Variants in SH3PXD2A observed in about 807,000 individuals in gnomAD.
SH3PXD2A encodes SH3 and PX domain-containing protein 2A.
Under a neutral mutation model 115.2 loss-of-function variants are expected in SH3PXD2A, and 32 were observed. That is an observed-to-expected ratio of 0.28 (90% CI 0.21 to 0.37). SH3PXD2A has a LOEUF of 0.37. Ranked by LOEUF, SH3PXD2A falls within the 10% of genes least tolerant of loss-of-function variation. SH3PXD2A has a pLI of 1.00. For missense variants in SH3PXD2A, 1,328 were observed against 1,498.7 expected (o/e 0.89, Z 1.88); for synonymous variants, 610 against 629.1 (o/e 0.97, Z 0.45).
chr10:103,687,401 C>T (rs1411653339), intron 6 of SH3PXD2A, among the ~76,000 whole-genome samples: 2 of 152,156 alleles, frequency 1.3e-5, no homozygotes, highest in African/African-American at 2.4e-5. Flanking sequence ...TTCTCAGAGG[C>T]GAAGGGATTT....
chr10:103,754,030 A>T (rs534017198), intron 3 of SH3PXD2A: 1 of 152,314 alleles, frequency 6.6e-6, no homozygotes, highest in East Asian at 1.9e-4. Context: ...AGAGGCCAGG[A>T]GTAAAAACTG....
intron 2 of SH3PXD2A, 136 bp downstream of exon 2, chr10:103,801,146 C>T: frequency 1.6e-6 from 1 of 620,850 alleles, no homozygotes; most frequent in African/African-American, 1.8e-5. Context: ...TTCCAGCTTC[C>T]CTCCTCTGTC....
In SH3PXD2A at chr10:103,607,754, C is replaced by T. The variant is rs371090960; in HGVS notation, c.1309-1837G>A. Among the ~76,000 whole-genome samples, 56 of 151,278 alleles carry T rather than the reference C, an allele frequency of 3.7e-4. 1 individual carries two copies. The East Asian group carries it at 6.6e-3, about 18-fold the overall frequency. ...AGATTGAGAAATCGGATGGTTGCCG[C>T]GTCTGTGTAGAAAGAAGTAGACATG... On this transcript the variant is annotated intron_variant, in intron 13 of 14. Transcript: ENST00000369774.
chr10:103,718,330 T>C (rs1423393724), intron 5 of SH3PXD2A, among the ~76,000 whole-genome samples: 1 of 152,216 alleles, frequency 6.6e-6, no homozygotes, highest in African/African-American at 2.4e-5. Flanking sequence ...GGCATGTCTT[T>C]ATCTGCCTTC....
intron 1 of SH3PXD2A, among the ~76,000 whole-genome samples, chr10:103,804,176 T>C (rs919278928): frequency 6.6e-6 from 1 of 152,120 alleles, no homozygotes; most frequent in Non-Finnish European, 1.5e-5. Flanking sequence ...AGGAGTATAA[T>C]GAATCATGTC....
At chr10:103,628,516 G>T (rs2036731746) in intron 8 of SH3PXD2A, among the ~76,000 whole-genome samples, 1 of 151,788 alleles carries the variant, frequency 6.6e-6, no homozygotes, top group South Asian at 2.1e-4. Flanking sequence ...CTGGAGAGGG[G>T]TTACCTCTGA....
chr10:103,771,623 T>C (rs116170030), intron 2 of SH3PXD2A, among the ~76,000 whole-genome samples: 2,230 of 152,194 alleles, frequency 0.015, 57 homozygotes, highest in African/African-American at 0.051. Flanking sequence ...GGTGCACATC[T>C]GTAGTCCCAG....
chr10:103,721,677 C>T (rs1027670547), intron 5 of SH3PXD2A, among the ~76,000 whole-genome samples: 1 of 152,184 alleles, frequency 6.6e-6, no homozygotes, highest in Non-Finnish European at 1.5e-5. Flanking sequence ...CTCCTCTCTC[C>T]CCATGCAAGG....
chr10:103,766,254 C>T (rs539171798), intron 3 of SH3PXD2A, among the ~76,000 whole-genome samples: 8 of 152,300 alleles, frequency 5.3e-5, no homozygotes, highest in Non-Finnish European at 1.0e-4. Context: ...CTGACCTGTG[C>T]AGGTCCAGGG....
intron 3 of SH3PXD2A, among the ~76,000 whole-genome samples, chr10:103,765,272 C>T (rs117019116): frequency 6.6e-6 from 1 of 152,168 alleles, no homozygotes; most frequent in Admixed American, 6.5e-5. Flanking sequence ...GCCTACCCAT[C>T]CTGTGGGGGC....
At chr10:103,838,214 T>A (rs2039564450) in intron 1 of SH3PXD2A, among the ~76,000 whole-genome samples, 1 of 152,174 alleles carries the variant, frequency 6.6e-6, no homozygotes, top group Non-Finnish European at 1.5e-5. Flanking sequence ...TCTAAATATA[T>A]ACCTGTCAGG....
In SH3PXD2A at chr10:103,600,771, G is replaced by GGCTCCAAGCT. The variant is rs1470691102; in HGVS notation, c.*1044_*1045insAGCTTGGAGC. ...CTGGCAGGCGCCAAGCTCCAGCACA[G>GGCTCCAAGCT]TCCACACAGTGGAAACCAAATGAAA... is the stretch of plus-strand genomic sequence containing the variant. On this transcript the variant is annotated 3_prime_UTR_variant, in exon 15 of 15. Transcript: ENST00000369774. The GGCTCCAAGCT allele has an allele frequency of 6.6e-6, 1 of 152,218 alleles. No individual in the cohort carries two copies. The highest frequency in any genetic ancestry group is 2.4e-5 in the African/African-American group (1 of 41,454). The allele number at this position is 152,218 out of a possible 1,614,324, so 9.4% of individuals were successfully genotyped here.
chr10:103,713,915 C>G (rs185390717), intron 5 of SH3PXD2A, among the ~76,000 whole-genome samples: 1 of 152,152 alleles, frequency 6.6e-6, no homozygotes, highest in African/African-American at 2.4e-5. Flanking sequence ...ACCAGGGCCC[C>G]GAGAGTGGGG....
At position 103,750,581 on chromosome 10, in the gene SH3PXD2A, C is replaced by T. The variant is rs138890306; in HGVS notation, c.230-14773G>A. On this transcript the variant is annotated intron_variant, in intron 3 of 14. Coordinates refer to ENST00000369774, the MANE Select transcript of SH3PXD2A (RefSeq NM_001394015.1). ...CTGCCTTTTTCATGAGCCCCCTGAG[C>T]GATTCTCATGTACCTCTGAGGCTGA... is the stretch of plus-strand genomic sequence containing the variant. Among the ~76,000 whole-genome samples the T allele has an allele frequency of 5.1e-3, 776 of 152,230 alleles. 7 individuals are homozygous for T. The highest frequency in any genetic ancestry group is 0.014 in the African/African-American group (599 of 41,528).
chr10:103,603,275 G>A lies in SH3PXD2A; in HGVS notation c.1943C>T (p.Ser648Phe). 6.2e-7 allele frequency: 1 copy of A among 1,614,044 alleles called. No homozygotes were observed. The highest frequency in any genetic ancestry group is 8.5e-7 in the Non-Finnish European group (1 of 1,179,994). The change falls in exon 15 of 15, where the codon TCC becomes TTC. Residue 648 changes from serine (S) to phenylalanine (F), a missense_variant. By Grantham distance (155) the Ser-to-Phe change is radical. Coordinates refer to ENST00000369774, the MANE Select transcript of SH3PXD2A (RefSeq NM_001394015.1). ...GTTTTTCCTGGTCAGGGACAGCGAG[G>A]AGCTGCCTGGGGAGTCGCTGTCCCC... ...SSGDSDSPGS[S>F]SLSLTRKNSP...
chr10:103,768,831 A>G (rs1402744478), intron 2 of SH3PXD2A, among the ~76,000 whole-genome samples: 1 of 152,182 alleles, frequency 6.6e-6, no homozygotes, highest in Non-Finnish European at 1.5e-5. Context: ...AGCTTGGCTC[A>G]CAATCTACTA....
intron 6 of SH3PXD2A, among the ~76,000 whole-genome samples, chr10:103,681,762 G>C (rs903102637): frequency 1.3e-5 from 2 of 148,572 alleles, no homozygotes; most frequent in Admixed American, 6.7e-5. Flanking sequence ...ACGCGCCCGC[G>C]CGCGCGCGCG....
intron 6 of SH3PXD2A, chr10:103,678,122 A>G: frequency 7.8e-7 from 1 of 1,289,048 alleles, no homozygotes; most frequent in Non-Finnish European, 1.0e-6. Flanking sequence ...CGCTACAGGA[A>G]ACAGGAGCCG....
At chr10:103,631,863 A>G (rs1013039220) in intron 8 of SH3PXD2A, among the ~76,000 whole-genome samples, 1 of 151,964 alleles carries the variant, frequency 6.6e-6, no homozygotes, top group Admixed American at 6.6e-5. Context: ...CATGCCTGTA[A>G]TCCCAGCACT....
Sources: allele counts gnomAD v4.1 joint callset (sites outside exome capture counted in the v4.1 genomes callset), GRCh38; gene constraint gnomAD v4.1.1; transcripts MANE v1.5; gene names NCBI Gene and HGNC (gene_info 2026-07-23, HGNC 2026-07-21).